PPDPFL: variants seen among roughly 807,000 people sequenced by gnomAD.
PPDPFL encodes pancreatic progenitor cell differentiation and proliferation factor like, also known as pancreatic progenitor cell differentiation and proliferation factor-like protein.
A neutral mutation model predicts 12.6 loss-of-function variants in PPDPFL; 12 were observed. That is an observed-to-expected ratio of 0.95 (90% confidence interval 0.61 to 1.54). The LOEUF (loss-of-function observed/expected upper bound fraction) is 1.54, where lower values mean the gene tolerates loss of function less well. Among genes scored for constraint, PPDPFL ranks in the 40% most tolerant of loss-of-function variants. PPDPFL has a pLI of 0.00. For missense variants in PPDPFL, 114 were observed against 96.0 expected, an observed-to-expected ratio of 1.19 and a Z score of -0.78; for synonymous variants, 24 against 32.7, an observed-to-expected ratio of 0.73 and a Z score of 0.91.
chr8:49,074,106 A>T lies in PPDPFL; in HGVS notation c.103A>T (p.Asn35Tyr), dbSNP rs1381730550. Residue 35 changes from asparagine to tyrosine, a missense_variant, in exon 3 of 5, where the codon AAC becomes TAC. Transcript: ENST00000522267. Reference sequence around the variant, plus strand: ...TTCTTTAACTAGCTCTGATTCTGTTAACTTCATAGATGACGACAAACCACA... The same window carrying T: ...TTCTTTAACTAGCTCTGATTCTGTTTACTTCATAGATGACGACAAACCACA... Reference protein sequence around the residue: ...VSSLTSSDSVNFIDDDKPQQG... With the variant: ...VSSLTSSDSVYFIDDDKPQQG... 1 of 1,613,160 alleles carries T rather than the reference A, an allele frequency of 6.2e-7. No individual in the cohort carries two copies. Among genetic ancestry groups the T allele is most frequent in the African/African-American group, 1.3e-5 (1 of 75,036 alleles).
In PPDPFL at chr8:49,075,200, T is replaced by C. The variant is rs1260274058; in HGVS notation, c.*27T>C. ...TGATCATCTTTGCACTGCCATTTGA[T>C]GAACATGTTGGTAACGGTTGCCTGC... On this transcript the variant is annotated 3_prime_UTR_variant, in exon 5 of 5. Transcript: ENST00000522267. 1 of 1,613,894 alleles carries C rather than the reference T, an allele frequency of 6.2e-7. No homozygotes were observed. Among genetic ancestry groups the C allele is most frequent in the Non-Finnish European group, 8.5e-7 (1 of 1,179,882 alleles).
upstream of PPDPFL, among the ~76,000 whole-genome samples, chr8:49,070,974 C>G (rs1808376005): frequency 6.6e-6 from 1 of 152,092 alleles, no homozygotes; most frequent in Non-Finnish European, 1.5e-5. Context: ...CATTAGATCT[C>G]TAGAAGTATT....
chr8:49,069,308 T>C (rs925564939), upstream of PPDPFL, among the ~76,000 whole-genome samples: 1 of 152,194 alleles, frequency 6.6e-6, no homozygotes, highest in African/African-American at 2.4e-5. Context: ...AGTAATGCAA[T>C]CTAGCAGACA....
intron 1 of PPDPFL, among the ~76,000 whole-genome samples, chr8:49,062,740 G>T (rs1450289913): frequency 6.6e-6 from 1 of 152,188 alleles, no homozygotes; most frequent in East Asian, 1.9e-4. Flanking sequence ...AGATGGCTTA[G>T]AGACATGGTG....
chr8:49,073,012 G>T, intron 2 of PPDPFL, 127 bp downstream of exon 2: 2 of 824,480 alleles, frequency 2.4e-6, no homozygotes, highest in Admixed American at 5.6e-5. Flanking sequence ...TGACAATGAA[G>T]AAAGCAGGAG....
intron 1 of PPDPFL, among the ~76,000 whole-genome samples, chr8:49,061,489 C>T (rs1453238333): frequency 1.3e-5 from 2 of 152,126 alleles, no homozygotes; most frequent in African/African-American, 4.8e-5. Context: ...GGGCAATTGT[C>T]CAAATGCCCA....
At chr8:49,072,326 G>A (rs928912582), upstream of PPDPFL, 8 of 153,096 alleles carry the variant, frequency 5.2e-5, no homozygotes, top group Non-Finnish European at 1.0e-4. Context: ...TATAAGGTGT[G>A]CTCAGGGGTC....
chr8:49,072,818 CA>C lies in PPDPFL; in HGVS notation c.-12del, dbSNP rs768686096. On this transcript the variant is annotated 5_prime_UTR_variant, in exon 2 of 5. The change abolishes the stop of an existing upstream ORF in the 5' untranslated region. Transcript: ENST00000522267. ...GCTCACAGCTTCTTGGGTGCTTTCT[CA>C]CGGGTAAAGCCATGGCATCCGTACC... 127 of 1,595,030 alleles carry C rather than the reference CA, an allele frequency of 8.0e-5. No individual in the cohort carries two copies. In the East Asian group the frequency reaches 2.9e-3, roughly 36 times the overall value.
At chr8:49,061,065 G>A (rs1238920645) in intron 1 of PPDPFL, among the ~76,000 whole-genome samples, 1 of 152,020 alleles carries the variant, frequency 6.6e-6, no homozygotes, top group Non-Finnish European at 1.5e-5. Context: ...CAGTTGGCTG[G>A]CAGTGTGGAC....
upstream of PPDPFL, among the ~76,000 whole-genome samples, chr8:49,071,543 C>A (rs1808389530): frequency 6.6e-6 from 1 of 152,066 alleles, no homozygotes; most frequent in Non-Finnish European, 1.5e-5. Flanking sequence ...GTAGTCCCAG[C>A]TACTGGGGAG....
intron 2 of PPDPFL, 127 bp from the exon 3 acceptor site, chr8:49,073,932 C>CT (rs964428483): frequency 3.2e-5 from 21 of 648,824 alleles, no homozygotes; most frequent in Non-Finnish European, 4.0e-5. Flanking sequence ...TTTTTCAATT[C>CT]ATGAATTCAC....
chr8:49,055,142 G>C (rs1421198322), intron 1 of PPDPFL, among the ~76,000 whole-genome samples: 1 of 152,014 alleles, frequency 6.6e-6, no homozygotes, highest in Non-Finnish European at 1.5e-5. Context: ...GGATCAGTTG[G>C]TTTCTGGGCT....
At chr8:49,072,617 T>C (rs981822251) in intron 1 of PPDPFL, 135 bp downstream of exon 1, 8 of 440,964 alleles carry the variant, frequency 1.8e-5, no homozygotes, top group Non-Finnish European at 3.2e-5. Flanking sequence ...CTTAATTGCA[T>C]CTTTTTATTG....
chr8:49,075,378 G>T lies in PPDPFL; in HGVS notation c.*205G>T, dbSNP rs1275742501. On this transcript the variant is annotated 3_prime_UTR_variant, in exon 5 of 5. Transcript: ENST00000522267. ...AATGTGTCTGAGATCTCATTTATGAGACAAGATCACAGCAGCCACTGATAT... is the reference window on the plus strand; with the variant it reads ...AATGTGTCTGAGATCTCATTTATGATACAAGATCACAGCAGCCACTGATAT... 5 of 1,071,586 alleles carry T rather than the reference G, an allele frequency of 4.7e-6. No homozygotes were observed. Among genetic ancestry groups the T allele is most frequent in the Non-Finnish European group, 7.2e-6 (5 of 697,004 alleles). The allele number at this position is 1,071,586 out of a possible 1,614,324, so 66.4% of individuals were successfully genotyped here. A position where few individuals can be genotyped will look rare whatever the true frequency, so the allele number is the denominator to read the frequency against.
intron 1 of PPDPFL, among the ~76,000 whole-genome samples, chr8:49,054,956 G>A (rs140455712): frequency 2.7e-4 from 41 of 152,154 alleles, no homozygotes; most frequent in Admixed American, 5.2e-4. Context: ...TCTATTTTCC[G>A]TGTGTGCTTT....
chr8:49,071,101 A>T (rs1468649597), upstream of PPDPFL, among the ~76,000 whole-genome samples: 1 of 152,192 alleles, frequency 6.6e-6, no homozygotes, highest in Non-Finnish European at 1.5e-5. Context: ...TTCCACATGT[A>T]AGTGGGATCA....
At chr8:49,056,497 A>G (rs1245628089) in intron 1 of PPDPFL, among the ~76,000 whole-genome samples, 1 of 152,160 alleles carries the variant, frequency 6.6e-6, no homozygotes, top group Non-Finnish European at 1.5e-5. Context: ...CTTGAGTTCA[A>G]TTAGATAAAA....
rs1463861140 is a variant in PPDPFL, at chr8:49,075,993, T to A, written c.*820T>A. 1.3e-5 allele frequency: 2 copies of A among 152,196 alleles called. No homozygotes were observed. The highest frequency in any genetic ancestry group is 3.8e-4 in the East Asian group (2 of 5,204). The allele number at this position is 152,196 out of a possible 1,614,324, so 9.4% of individuals were successfully genotyped here. A position where few individuals can be genotyped will look rare whatever the true frequency, so the allele number is the denominator to read the frequency against. On this transcript the variant is annotated 3_prime_UTR_variant, in exon 5 of 5. Transcript: ENST00000522267. ...TCTGGAGATGGGATTATGGGCGTTT[T>A]TCATTCTCTTTTTAATATATTTTTC...
intron 4 of PPDPFL, chr8:49,074,562 G>A (rs1241574705): frequency 3.3e-6 from 5 of 1,536,282 alleles, no homozygotes; most frequent in Non-Finnish European, 4.4e-6. Context: ...CTCAAGAGTG[G>A]TGGAGAAGTC....
Sources: allele counts gnomAD v4.1 joint callset (sites outside exome capture counted in the v4.1 genomes callset), GRCh38; gene constraint gnomAD v4.1.1; transcripts MANE v1.5; gene names NCBI Gene and HGNC (gene_info 2026-07-23, HGNC 2026-07-21).